Variants in C2orf49 observed in about 807,000 individuals in gnomAD.
The protein encoded by C2orf49 is tRNA-splicing ligase complex subunit ASW.
A neutral mutation model predicts 20.6 loss-of-function variants in C2orf49; 11 were observed. The ratio of observed to expected loss-of-function variants is 0.53; its 90% confidence interval spans 0.34 to 0.88. The LOEUF (loss-of-function observed/expected upper bound fraction) is 0.88, where lower values mean the gene tolerates loss of function less well. C2orf49 is among the 40% of genes least tolerant of loss of function. The pLI, the probability that C2orf49 is intolerant of heterozygous loss-of-function variation, is 0.02. For synonymous variants in C2orf49, 134 were observed against 108.5 expected (o/e 1.24, Z -1.46); for missense variants, 289 against 274.2 (o/e 1.05, Z -0.38).
the C2orf49 span, chr2:105,360,117 A>G: frequency 6.6e-6 from 1 of 152,136 alleles, no homozygotes; most frequent in African/African-American, 2.4e-5. Flanking sequence ...CCAGCCTAAC[A>G]TGGTGAAACC....
At chr2:105,373,503 G>A in the C2orf49 span, 23 of 1,595,310 alleles carry the variant, frequency 1.4e-5, no homozygotes, top group Non-Finnish European at 1.8e-5. Flanking sequence ...TCAGAGGAAC[G>A]TGCACAAGGC....
At chr2:105,368,952 C>T in the C2orf49 span, among the ~76,000 whole-genome samples, 24 of 152,334 alleles carry the variant, frequency 1.6e-4, no homozygotes, top group Admixed American at 9.1e-4. Flanking sequence ...AACACAGCCA[C>T]GCCCATTAAT....
chr2:105,361,994 T>C, the C2orf49 span, among the ~76,000 whole-genome samples: 21,010 of 152,214 alleles, frequency 0.14, 1,809 homozygotes, highest in South Asian at 0.24. Flanking sequence ...GGTACATTGG[T>C]CCGTGATTAT....
intron 2 of C2orf49, 140 bp downstream of exon 2, chr2:105,339,889 A>C: frequency 4.6e-6 from 3 of 650,294 alleles, no homozygotes; most frequent in Non-Finnish European, 7.3e-6. Flanking sequence ...CACTGTGCGT[A>C]TAGCAGTGAA....
chr2:105,367,878 C>G, the C2orf49 span: 1 of 765,166 alleles, frequency 1.3e-6, no homozygotes. Context: ...CTCGCCTCTA[C>G]ATGGAGGTAA....
At chr2:105,374,210 G>C in the C2orf49 span, 1 of 205,418 alleles carries the variant, frequency 4.9e-6, no homozygotes, top group East Asian at 1.2e-4. Context: ...CCCAAGGACT[G>C]TTTGGTGGGA....
the C2orf49 span, chr2:105,373,775 G>A: frequency 1.2e-6 from 2 of 1,608,272 alleles, no homozygotes; most frequent in East Asian, 4.5e-5. Flanking sequence ...GGCAGGACAG[G>A]AGGGCTTGGA....
chr2:105,364,302 C>T, the C2orf49 span, among the ~76,000 whole-genome samples: 1 of 152,160 alleles, frequency 6.6e-6, no homozygotes, highest in Non-Finnish European at 1.5e-5. Flanking sequence ...AAGTGGTAAC[C>T]TCTCCAATGC....
chr2:105,381,250 C>A, the C2orf49 span, among the ~76,000 whole-genome samples: 1 of 152,196 alleles, frequency 6.6e-6, no homozygotes, highest in African/African-American at 2.4e-5. Flanking sequence ...AGGTTTCCAA[C>A]TGTACATTCT....
the C2orf49 span, among the ~76,000 whole-genome samples, chr2:105,381,830 C>G: frequency 6.6e-6 from 1 of 152,246 alleles, no homozygotes; most frequent in Non-Finnish European, 1.5e-5. Flanking sequence ...TAAAAAAGCA[C>G]CAGGTTGGCA....
rs1411896602 is a variant in C2orf49 at position 105,348,875 on chromosome 2, T to C, written c.*3504T>C. 2 of 152,200 alleles carry C rather than the reference T, an allele frequency of 1.3e-5. No homozygotes were observed. The highest frequency in any genetic ancestry group is 2.4e-5 in the African/African-American group (1 of 41,446). 9.4% of individuals were successfully genotyped at this position (152,200 alleles called of 1,614,324 possible). On this transcript the variant is annotated 3_prime_UTR_variant, in exon 4 of 4. Transcript: ENST00000258457. The stretch of plus-strand genomic sequence containing the variant: ...AAGTATTCTTTATAGTACAACTTTC[T>C]ATACCTGGATTGATTAAGATCAGAT...
At chr2:105,367,747 C>T in the C2orf49 span, 9 of 1,612,242 alleles carry the variant, frequency 5.6e-6, no homozygotes, top group South Asian at 9.9e-5. Flanking sequence ...TACCTGTCAT[C>T]AGGGTCAAGA....
chr2:105,374,101 C>T, the C2orf49 span: 1 of 306,988 alleles, frequency 3.3e-6, no homozygotes, highest in Non-Finnish European at 6.3e-6. Flanking sequence ...GAGAAACAGA[C>T]TGCAGGACAT....
At chr2:105,375,209 G>C in the C2orf49 span, 1 of 152,054 alleles carries the variant, frequency 6.6e-6, no homozygotes, top group Admixed American at 6.6e-5. Flanking sequence ...CCGGAACCTG[G>C]AACCAAACTA....
At chr2:105,379,951 A>G in the C2orf49 span, among the ~76,000 whole-genome samples, 7 of 152,316 alleles carry the variant, frequency 4.6e-5, no homozygotes, top group Admixed American at 1.3e-4. Flanking sequence ...GTAACTAATT[A>G]TGCCACGGGG....
chr2:105,367,364 G>A, the C2orf49 span, among the ~76,000 whole-genome samples: 1 of 152,200 alleles, frequency 6.6e-6, no homozygotes, highest in African/African-American at 2.4e-5. Flanking sequence ...TTTGATCACA[G>A]AGCTCAACAA....
At chr2:105,356,252 G>A in the C2orf49 span, among the ~76,000 whole-genome samples, 1 of 151,850 alleles carries the variant, frequency 6.6e-6, no homozygotes, top group African/African-American at 2.4e-5. Flanking sequence ...TGAGCTGGGC[G>A]TGGTGGCAGG....
downstream of C2orf49, among the ~76,000 whole-genome samples, chr2:105,353,796 T>C (rs74643441): frequency 8.0e-3 from 1,220 of 152,364 alleles, 17 homozygotes; most frequent in African/African-American, 0.028. Flanking sequence ...AGAGGTACCC[T>C]CAAGTCTGAA....
the C2orf49 span, among the ~76,000 whole-genome samples, chr2:105,384,528 GAC>G: frequency 1.3e-5 from 2 of 152,048 alleles, no homozygotes; most frequent in Non-Finnish European, 2.9e-5. Flanking sequence ...TCTTTTTTGA[GAC>G]AGAGTCTTAC....
Sources: allele counts gnomAD v4.1 joint callset (sites outside exome capture counted in the v4.1 genomes callset), GRCh38; gene constraint gnomAD v4.1.1; transcripts MANE v1.5; gene names NCBI Gene and HGNC (gene_info 2026-07-23, HGNC 2026-07-21).